Variants in SAMMSON observed in about 807,000 individuals in gnomAD.
The protein encoded by SAMMSON is long intergenic non-protein coding RNA 1212.
At position 70,268,551 on chromosome 3, in the gene SAMMSON, A is replaced by G. The variant is rs1701945829; in HGVS notation, n.674+18881A>G. 3.3e-5 allele frequency among the ~76,000 whole-genome samples: 5 copies of G among 151,990 alleles called. 1 individual carries two copies. Among genetic ancestry groups the G allele is most frequent in the Non-Finnish European group, 7.4e-5 (5 of 68,010 alleles). ...TTGATAAACCTACACTGACACATCA[A>G]CACTCCAAGGCCATAGTTCACATTC... On this transcript the variant is annotated intron_variant and non_coding_transcript_variant, in intron 6 of 9. Coordinates refer to ENST00000642114, the Ensembl canonical transcript of SAMMSON.
At chr3:70,084,055 A>G (rs2067276847) in intron 4 of SAMMSON, among the ~76,000 whole-genome samples, 1 of 152,178 alleles carries the variant, frequency 6.6e-6, no homozygotes, top group African/African-American at 2.4e-5. Context: ...TATGAAATAT[A>G]CCAGCACATA....
chr3:70,027,687 T>C (rs921852773), intron 3 of SAMMSON, among the ~76,000 whole-genome samples: 5 of 152,206 alleles, frequency 3.3e-5, no homozygotes, highest in Admixed American at 3.3e-4. Context: ...ACCAAATCTA[T>C]TCTTAGACCC....
rs1214567484 is a variant in SAMMSON at position 70,015,751 on chromosome 3, C to T, written n.417+2079C>T. Among the ~76,000 whole-genome samples, 3 of 152,194 alleles carry T rather than the reference C, an allele frequency of 2.0e-5. No individual in the cohort carries two copies. The East Asian group carries it at 5.8e-4, about 29-fold the overall frequency. ...ACGACAGGCCCCGGTGTGTGATGTTCCCCTTCCTGTGTCCAAGTGTTCTCA... is the reference window on the plus strand; with the variant it reads ...ACGACAGGCCCCGGTGTGTGATGTTTCCCTTCCTGTGTCCAAGTGTTCTCA... On this transcript the variant is annotated intron_variant and non_coding_transcript_variant, in intron 3 of 9. Transcript: ENST00000642114.
chr3:70,249,312 T>C (rs192354678), intron 5 of SAMMSON: 88 of 152,256 alleles, frequency 5.8e-4, no homozygotes, highest in African/African-American at 2.0e-3. Flanking sequence ...CTGATGGAAG[T>C]TATAATGTGA....
At chr3:70,083,876 A>G (rs1206128015) in intron 4 of SAMMSON, among the ~76,000 whole-genome samples, 1 of 152,070 alleles carries the variant, frequency 6.6e-6, no homozygotes, top group African/African-American at 2.4e-5. Flanking sequence ...CTGTCTTTCT[A>G]GTGAAACTGT....
chr3:70,231,975 C>T (rs571997793), intron 4 of SAMMSON, among the ~76,000 whole-genome samples: 2 of 152,248 alleles, frequency 1.3e-5, no homozygotes, highest in East Asian at 3.9e-4. Context: ...TTGGGAGCCC[C>T]CAAAGCGTTA....
chr3:70,100,660 G>A (rs141811024), intron 4 of SAMMSON, among the ~76,000 whole-genome samples: 6 of 152,214 alleles, frequency 3.9e-5, no homozygotes, highest in East Asian at 1.9e-4. Context: ...TAAAGTGAAC[G>A]TGAATCTGAA....
chr3:70,363,894 T>C (rs924995336), intron 9 of SAMMSON, among the ~76,000 whole-genome samples: 5 of 151,802 alleles, frequency 3.3e-5, no homozygotes, highest in African/African-American at 1.2e-4. Flanking sequence ...GATATTTTCT[T>C]TTTATTTTAC....
At position 70,316,370 on chromosome 3, in the gene SAMMSON, G is replaced by A. The variant is rs570892360; in HGVS notation, n.739+25127G>A. On this transcript the variant is annotated intron_variant and non_coding_transcript_variant, in intron 7 of 9. Coordinates refer to ENST00000642114, the Ensembl canonical transcript of SAMMSON. ...GTAAGAAGATGAAATTAATCAATGC[G>A]TAGGTATGTCACCAACTCAGATTAC... Among the ~76,000 whole-genome samples the A allele has an allele frequency of 2.0e-5, 3 of 152,094 alleles. No individual in the cohort carries two copies. In the South Asian group the frequency reaches 6.2e-4, roughly 32 times the overall value.
At chr3:70,071,057 T>G (rs567396733) in intron 3 of SAMMSON, among the ~76,000 whole-genome samples, 164 of 152,138 alleles carry the variant, frequency 1.1e-3, no homozygotes, top group Non-Finnish European at 1.8e-3. Context: ...TTTAAATCTT[T>G]AAAATCTGTA....
rs138327238 is a variant in SAMMSON, at chr3:70,306,120, T to G, written n.739+14877T>G. On this transcript the variant is annotated intron_variant and non_coding_transcript_variant, in intron 7 of 9. Coordinates refer to ENST00000642114, the Ensembl canonical transcript of SAMMSON. Reference sequence around the variant, plus strand: ...TGGAGTTTATTTATTTATTTATTTATTGAGATGGAGTCTTGCTCTCTTACT... The same window carrying G: ...TGGAGTTTATTTATTTATTTATTTAGTGAGATGGAGTCTTGCTCTCTTACT... Among the ~76,000 whole-genome samples, 355 of 152,296 alleles carry G rather than the reference T, an allele frequency of 2.3e-3. 3 individuals carry two copies. Among genetic ancestry groups the G allele is most frequent in the African/African-American group, 7.8e-3 (324 of 41,556 alleles).
intron 4 of SAMMSON, among the ~76,000 whole-genome samples, chr3:70,226,901 G>A (rs1454552875): frequency 6.6e-6 from 1 of 152,028 alleles, no homozygotes; most frequent in African/African-American, 2.4e-5. Flanking sequence ...GGGACTGGTG[G>A]GAATTCTGAT....
rs140428273 is a variant in SAMMSON, at chr3:70,336,401, G to A, written n.740-17774G>A. On this transcript the variant is annotated intron_variant and non_coding_transcript_variant, in intron 7 of 9. Transcript: ENST00000642114. ...TTGTAGGACAAGAGTAATCAATGTC[G>A]CAGTGGGTATCTCTAAAGTTATACA... 2.0e-3 allele frequency among the ~76,000 whole-genome samples: 302 copies of A among 152,028 alleles called. 3 individuals are homozygous for A. Among genetic ancestry groups the A allele is most frequent in the African/African-American group, 6.6e-3 (275 of 41,526 alleles).
At chr3:70,325,892 C>T (rs1156567792) in intron 7 of SAMMSON, among the ~76,000 whole-genome samples, 2 of 152,118 alleles carry the variant, frequency 1.3e-5, no homozygotes, top group African/African-American at 4.8e-5. Flanking sequence ...ACTGATAAAC[C>T]CCTTCTAGAT....
chr3:70,410,450 G>A (rs191027305), intron 2 of SAMMSON, among the ~76,000 whole-genome samples: 14 of 152,306 alleles, frequency 9.2e-5, no homozygotes, highest in Admixed American at 6.5e-4. Context: ...TATCAAGTAC[G>A]TGGTCTATTT....
intron 7 of SAMMSON, among the ~76,000 whole-genome samples, chr3:70,343,739 A>G (rs946032067): frequency 1.3e-5 from 2 of 151,984 alleles, no homozygotes; most frequent in African/African-American, 2.4e-5. Flanking sequence ...ACTCTTGAGG[A>G]ATGGTCAGTT....
intron 4 of SAMMSON, among the ~76,000 whole-genome samples, chr3:70,247,145 C>T (rs1217593302): frequency 6.6e-6 from 1 of 151,892 alleles, no homozygotes; most frequent in African/African-American, 2.4e-5. Context: ...TATTCTTGGC[C>T]ATTGGATTGA....
intron 1 of SAMMSON, among the ~76,000 whole-genome samples, chr3:70,008,243 G>A (rs2066937184): frequency 6.6e-6 from 1 of 152,126 alleles, no homozygotes; most frequent in Non-Finnish European, 1.5e-5. Context: ...GGGCAGTATG[G>A]CCACTTTCAC....
chr3:70,136,507 C>CA (rs1357079873), intron 4 of SAMMSON, among the ~76,000 whole-genome samples: 1 of 152,222 alleles, frequency 6.6e-6, no homozygotes, highest in Non-Finnish European at 1.5e-5. Context: ...CCCTGGCTGA[C>CA]AGCTTGTCTG....
Sources: gnomAD v4.1 joint callset for allele counts (sites outside exome capture counted in the v4.1 genomes callset) on GRCh38, gnomAD v4.1.1 for gene constraint, MANE v1.5 for transcripts, NCBI Gene and HGNC (gene_info 2026-07-23, HGNC 2026-07-21) for gene names.